MED13L: variants seen among roughly 807,000 people sequenced by gnomAD.
MED13L encodes the protein mediator complex subunit 13L, also known as mediator of RNA polymerase II transcription subunit 13-like.
A neutral mutation model predicts 220.9 loss-of-function variants in MED13L; 7 were observed. The observed-to-expected ratio is 0.03, with a 90% CI of 0.02 to 0.06. The LOEUF (loss-of-function observed/expected upper bound fraction) is 0.06, where lower values mean the gene tolerates loss of function less well. Among genes scored for constraint, MED13L ranks in the 10% least tolerant of loss-of-function variants. The pLI, the probability that MED13L is intolerant of heterozygous loss-of-function variation, is 1.00. For synonymous variants in MED13L, 1,011 were observed against 1,015.2 expected (o/e 1.00, Z 0.08); for missense variants, 1,965 against 2,760.5 (o/e 0.71, Z 6.46).
At chr12:115,978,332 T>TC (rs1372881708) in intron 23 of MED13L, among the ~76,000 whole-genome samples, 6 of 149,330 alleles carry the variant, frequency 4.0e-5, no homozygotes, top group African/African-American at 1.5e-4. Context: ...TTTTCTTTTT[T>TC]TTTTTTTTTT....
At chr12:116,207,776 T>TA (rs1882442999) in intron 2 of MED13L, among the ~76,000 whole-genome samples, 1 of 150,528 alleles carries the variant, frequency 6.6e-6, no homozygotes, top group African/African-American at 2.4e-5. Context: ...ATTTATGTTT[T>TA]AAAAAAAGAA....
chr12:116,238,067 T>A (rs1325203389), intron 1 of MED13L, among the ~76,000 whole-genome samples: 1 of 152,242 alleles, frequency 6.6e-6, no homozygotes, highest in East Asian at 1.9e-4. Flanking sequence ...AGAAATCAAG[T>A]AAGATTTTAA....
chr12:116,172,398 C>T (rs1879745188), intron 2 of MED13L, among the ~76,000 whole-genome samples: 1 of 152,130 alleles, frequency 6.6e-6, no homozygotes, highest in African/African-American at 2.4e-5. Context: ...ATGTCACTGC[C>T]GCAGATATTT....
intron 1 of MED13L, among the ~76,000 whole-genome samples, chr12:116,248,130 T>A (rs931847778): frequency 2.0e-5 from 3 of 152,116 alleles, no homozygotes; most frequent in African/African-American, 7.2e-5. Context: ...TCAAGCAAAT[T>A]AACACGGCAA....
chr12:116,270,610 T>C (rs971624964), intron 1 of MED13L, among the ~76,000 whole-genome samples: 9 of 152,320 alleles, frequency 5.9e-5, no homozygotes, highest in Non-Finnish European at 1.2e-4. Flanking sequence ...TGAGTCTGAA[T>C]TTACAATTCG....
At chr12:115,983,026 G>C in intron 21 of MED13L, 91 bp downstream of exon 21, 1 of 1,384,020 alleles carries the variant, frequency 7.2e-7, no homozygotes, top group Non-Finnish European at 1.0e-6. Flanking sequence ...AGGATTCACA[G>C]AATCATGAGG....
At chr12:116,057,197 G>A (rs1018712927) in intron 4 of MED13L, among the ~76,000 whole-genome samples, 15 of 152,018 alleles carry the variant, frequency 9.9e-5, no homozygotes, top group African/African-American at 3.1e-4. Flanking sequence ...CAAGTAGCTC[G>A]AACACAAGCC....
chr12:116,135,572 T>C (rs1876469203), intron 2 of MED13L, among the ~76,000 whole-genome samples: 1 of 152,164 alleles, frequency 6.6e-6, no homozygotes, highest in Non-Finnish European at 1.5e-5. Context: ...TGGTTGCCAT[T>C]TTATGCCACC....
At chr12:116,120,467 TCTCTCTCTCTCACACACA>T (rs1328375515) in intron 2 of MED13L, among the ~76,000 whole-genome samples, 35 of 136,924 alleles carry the variant, frequency 2.6e-4, no homozygotes, top group African/African-American at 9.4e-4. Flanking sequence ...TCTCTCTCTC[TCTCTCTCTCTCACACACA>T]CACACACACA....
chr12:116,080,504 A>T (rs562028418), intron 4 of MED13L, among the ~76,000 whole-genome samples: 1 of 152,318 alleles, frequency 6.6e-6, no homozygotes, highest in Admixed American at 6.5e-5. Context: ...AGAACACTGC[A>T]GCAAATTCAC....
intron 1 of MED13L, among the ~76,000 whole-genome samples, chr12:116,271,063 A>G (rs1382288654): frequency 6.6e-6 from 1 of 150,526 alleles, no homozygotes; most frequent in Non-Finnish European, 1.5e-5. Context: ...AAAAAAAAAA[A>G]AAAAGAAAGA....
At chr12:116,190,286 T>C (rs976280985) in intron 2 of MED13L, among the ~76,000 whole-genome samples, 1 of 152,334 alleles carries the variant, frequency 6.6e-6, no homozygotes, top group Admixed American at 6.5e-5. Flanking sequence ...GAATGGATGA[T>C]TATGTTTGAT....
chr12:116,046,269 A>G (rs1207600911), intron 4 of MED13L, among the ~76,000 whole-genome samples: 3 of 152,234 alleles, frequency 2.0e-5, no homozygotes, highest in African/African-American at 7.2e-5. Flanking sequence ...GTAAAAAACA[A>G]AAACACAAAG....
chr12:115,996,628 G>A lies in MED13L; in HGVS notation c.2844C>T (p.Ser948=). 1 of 1,614,088 alleles carries A rather than the reference G, an allele frequency of 6.2e-7. No individual in the cohort carries two copies. The highest frequency in any genetic ancestry group is 8.5e-7 in the Non-Finnish European group (1 of 1,179,982). ...VPSFQPFVGS[S]MFAPLKMLPS... ...GCAACATCTTCAGTGGAGCAAACATGGAGGATCCCACAAAAGGTTGAAAGG... is the reference window on the plus strand; with the variant it reads ...GCAACATCTTCAGTGGAGCAAACATAGAGGATCCCACAAAAGGTTGAAAGG... The change falls in exon 16 of 31, where the codon TCC becomes TCT. Residue 948 remains serine, a synonymous_variant. Coordinates refer to ENST00000281928, the MANE Select transcript of MED13L (RefSeq NM_015335.5).
intron 1 of MED13L, among the ~76,000 whole-genome samples, chr12:116,274,991 TAAA>T (rs11357820): frequency 1.5e-5 from 2 of 135,050 alleles, no homozygotes; most frequent in Non-Finnish European, 1.6e-5. Flanking sequence ...ACTTAAGCTT[TAAA>T]AAAAAAAAAA....
intron 4 of MED13L, among the ~76,000 whole-genome samples, chr12:116,061,371 C>T (rs1209891441): frequency 6.6e-6 from 1 of 151,912 alleles, no homozygotes; most frequent in African/African-American, 2.4e-5. Flanking sequence ...AATTTCTCAA[C>T]ACTAGGAAAG....
At chr12:116,029,156 G>C (rs2137478993) in intron 4 of MED13L, among the ~76,000 whole-genome samples, 1 of 146,706 alleles carries the variant, frequency 6.8e-6, no homozygotes, top group South Asian at 2.3e-4. Context: ...ACTTTTCTAA[G>C]TATTATAAAA....
intron 4 of MED13L, among the ~76,000 whole-genome samples, chr12:116,042,884 T>G (rs999664787): frequency 6.6e-6 from 1 of 152,168 alleles, no homozygotes; most frequent in African/African-American, 2.4e-5. Flanking sequence ...CTGGGTATGG[T>G]GCCATTACAC....
At chr12:116,214,765 C>G (rs1882899976) in intron 2 of MED13L, among the ~76,000 whole-genome samples, 1 of 152,138 alleles carries the variant, frequency 6.6e-6, no homozygotes, top group Admixed American at 6.5e-5. Flanking sequence ...AACCTTCTAC[C>G]TAAACTCACT....
Sources: allele counts gnomAD v4.1 joint callset (sites outside exome capture counted in the v4.1 genomes callset), GRCh38; gene constraint gnomAD v4.1.1; transcripts MANE v1.5; gene names NCBI Gene and HGNC (gene_info 2026-07-23, HGNC 2026-07-21).